RPSA2: variants seen among roughly 807,000 people sequenced by gnomAD.
RPSA2 encodes the protein ribosomal protein SA 2.
At chr19:23,771,011 G>A in the RPSA2 span, among the ~76,000 whole-genome samples, 2 of 152,126 alleles carry the variant, frequency 1.3e-5, no homozygotes, top group African/African-American at 4.8e-5. Context: ...CATAGCCAGG[G>A]TCAGGAAAAT....
chr19:23,763,208 T>C, the RPSA2 span: 3,319 of 153,060 alleles, frequency 0.022, 132 homozygotes, highest in African/African-American at 0.076. Context: ...CTCTCCACAG[T>C]CCGCTCCCAG....
At chr19:23,800,212 T>TTTA in the RPSA2 span, among the ~76,000 whole-genome samples, 147,527 of 150,852 alleles carry the variant, frequency 0.98, 72,231 homozygotes, top group Middle Eastern at 1. Flanking sequence ...TTATTTTATT[T>TTTA]TTTTTTATTT....
At chr19:23,804,298 T>TC in the RPSA2 span, among the ~76,000 whole-genome samples, 23 of 22,628 alleles carry the variant, frequency 1.0e-3, no homozygotes, top group South Asian at 0.026. Flanking sequence ...ATTTTTCTTT[T>TC]TCTTTTTTTT....
the RPSA2 span, among the ~76,000 whole-genome samples, chr19:23,847,909 G>A: frequency 1.3e-5 from 2 of 152,162 alleles, no homozygotes. Flanking sequence ...TCCATTTATA[G>A]GCTCTCTGCA....
At chr19:23,868,774 G>T in the RPSA2 span, among the ~76,000 whole-genome samples, 3 of 152,114 alleles carry the variant, frequency 2.0e-5, no homozygotes. Flanking sequence ...AAACCATGTG[G>T]GTGCCCTCAA....
chr19:23,824,503 T>A, the RPSA2 span, among the ~76,000 whole-genome samples: 1 of 151,562 alleles, frequency 6.6e-6, no homozygotes, highest in Non-Finnish European at 1.5e-5. Context: ...TAGTTTTCTC[T>A]ACATCCTCTA....
At chr19:23,780,914 C>T in the RPSA2 span, among the ~76,000 whole-genome samples, 1 of 152,208 alleles carries the variant, frequency 6.6e-6, no homozygotes, top group Non-Finnish European at 1.5e-5. Flanking sequence ...TTCTGAACCT[C>T]ACTTTTGGAG....
chr19:23,829,808 A>G, the RPSA2 span, among the ~76,000 whole-genome samples: 2 of 152,246 alleles, frequency 1.3e-5, no homozygotes, highest in South Asian at 4.1e-4. Context: ...AATGATTTCT[A>G]TTCTTTTATT....
At chr19:23,815,990 TA>T in the RPSA2 span, among the ~76,000 whole-genome samples, 114,326 of 141,340 alleles carry the variant, frequency 0.81, 46,192 homozygotes, top group Admixed American at 0.87. Context: ...TCATAAAATG[TA>T]GTTGTTTTTT....
the RPSA2 span, among the ~76,000 whole-genome samples, chr19:23,836,356 AACACACACACACACAGAC>A: frequency 6.5e-4 from 99 of 151,596 alleles, no homozygotes; most frequent in African/African-American, 1.8e-3. Flanking sequence ...GTAGTATTCC[AACACACACACACACAGAC>A]ACACACACAC....
chr19:23,856,088 G>T, the RPSA2 span, among the ~76,000 whole-genome samples: 3 of 152,102 alleles, frequency 2.0e-5, no homozygotes, highest in Non-Finnish European at 4.4e-5. Flanking sequence ...GGTGAAGGGA[G>T]ACGCTGAGCA....
the RPSA2 span, among the ~76,000 whole-genome samples, chr19:23,844,045 C>A: frequency 6.6e-6 from 1 of 152,160 alleles, no homozygotes; most frequent in African/African-American, 2.4e-5. Flanking sequence ...AGGTGTGAAC[C>A]ACCGCACCTG....
chr19:23,869,795 G>A, the RPSA2 span, among the ~76,000 whole-genome samples: 5 of 152,216 alleles, frequency 3.3e-5, no homozygotes, highest in South Asian at 4.1e-4. Flanking sequence ...GGTAGTATCC[G>A]GGTAGGAACA....
the RPSA2 span, among the ~76,000 whole-genome samples, chr19:23,807,474 G>A: frequency 3.9e-5 from 6 of 152,154 alleles, no homozygotes; most frequent in Non-Finnish European, 8.8e-5. Context: ...TCTGAAAAAT[G>A]TAAAGAACTA....
At chr19:23,773,709 T>G in the RPSA2 span, among the ~76,000 whole-genome samples, 1 of 152,194 alleles carries the variant, frequency 6.6e-6, no homozygotes, top group Non-Finnish European at 1.5e-5. Context: ...AAAAATTGAC[T>G]CTCATATGTG....
At chr19:23,817,962 C>G in the RPSA2 span, 2 of 152,096 alleles carry the variant, frequency 1.3e-5, no homozygotes, top group South Asian at 4.1e-4. Flanking sequence ...GGAAGGATTA[C>G]TAAGGGGAGG....
chr19:23,853,636 G>A, the RPSA2 span, among the ~76,000 whole-genome samples: 4 of 152,160 alleles, frequency 2.6e-5, no homozygotes, highest in South Asian at 4.1e-4. Flanking sequence ...GGCTGGTACC[G>A]AGTCTGGGAA....
the RPSA2 span, among the ~76,000 whole-genome samples, chr19:23,775,265 T>G: frequency 6.6e-6 from 1 of 152,216 alleles, no homozygotes; most frequent in Non-Finnish European, 1.5e-5. Context: ...TACAGGTGGA[T>G]GCAGTGCAGA....
At chr19:23,828,617 G>A in the RPSA2 span, among the ~76,000 whole-genome samples, 2 of 144,588 alleles carry the variant, frequency 1.4e-5, no homozygotes, top group South Asian at 4.5e-4. Context: ...ATAGAATGTA[G>A]TTCATAGAAA....
Sources: gnomAD v4.1 joint callset for allele counts (sites outside exome capture counted in the v4.1 genomes callset) on GRCh38, gnomAD v4.1.1 for gene constraint, MANE v1.5 for transcripts, NCBI Gene and HGNC (gene_info 2026-07-23, HGNC 2026-07-21) for gene names.